NBN: variants seen among roughly 807,000 people sequenced by gnomAD.
NBN encodes nibrin.
In NBN, 88 loss-of-function variants were observed where a neutral mutation model predicts 90.8. The ratio of observed to expected loss-of-function variants is 0.97; its 90% CI spans 0.82 to 1.16. The LOEUF (loss-of-function observed/expected upper bound fraction) is 1.16, where lower values mean the gene tolerates loss of function less well. NBN is among the 50% of genes most tolerant of loss of function. The probability of loss-of-function intolerance (pLI) is 0.00; values close to 1 mark genes in which losing one functional copy is unlikely to be tolerated. For synonymous variants in NBN, 328 were observed against 295.1 expected (o/e 1.11, Z -1.14); for missense variants, 894 against 869.6 (o/e 1.03, Z -0.35).
intron 5 of NBN, among the ~76,000 whole-genome samples, chr8:89,973,751 T>C (rs1002563648): frequency 6.6e-6 from 1 of 152,168 alleles, no homozygotes; most frequent in Non-Finnish European, 1.5e-5. Flanking sequence ...TTTAATAAAC[T>C]AGTACAAAAA....
chr8:89,977,227 C>A (rs1245781000), intron 5 of NBN, among the ~76,000 whole-genome samples: 5 of 152,000 alleles, frequency 3.3e-5, no homozygotes, highest in Non-Finnish European at 5.9e-5. Context: ...CCTTGTCCCC[C>A]ACCCCCAAAC....
chr8:89,957,793 T>G (rs7010210), intron 9 of NBN, among the ~76,000 whole-genome samples: 77,429 of 151,982 alleles, frequency 0.51, 22,060 homozygotes, highest in African/African-American at 0.77. Flanking sequence ...GGAGAAATAG[T>G]CTATACCAGC....
Position 89,934,645 on chromosome 8 carries a change from A to G in NBN, c.*937T>C, listed in dbSNP as rs11987865. 4,702 of 233,176 alleles carry G rather than the reference A, an allele frequency of 0.02. 213 individuals are homozygous for G. The highest frequency in any genetic ancestry group is 0.096 in the African/African-American group (4,371 of 45,410). The allele number at this position is 233,176 out of a possible 1,614,324, so 14.4% of individuals were successfully genotyped here. A position where few individuals can be genotyped will look rare whatever the true frequency, so the allele number is the denominator to read the frequency against. On this transcript the variant is annotated 3_prime_UTR_variant, in exon 16 of 16. Coordinates refer to ENST00000265433, the MANE Select transcript of NBN (RefSeq NM_002485.5). The stretch of plus-strand genomic sequence containing the variant: ...TTTCTCATTCTCTAAACAACTAATC[A>G]GTTGTAGTGACTCTTGACTGGAACT...
intron 8 of NBN, 74 bp downstream of exon 8, chr8:89,964,336 G>A: frequency 6.6e-7 from 1 of 1,505,952 alleles, no homozygotes; most frequent in East Asian, 2.3e-5. Flanking sequence ...GCAAGTATAT[G>A]AGTAACGTAT....
chr8:89,981,327 G>T (rs1397009187), intron 3 of NBN, 48 bp downstream of exon 3: 5 of 1,537,922 alleles, frequency 3.3e-6, no homozygotes, highest in Non-Finnish European at 3.6e-6. Context: ...TTTAGGATTT[G>T]GCTGAAACAA....
At chr8:89,983,386 A>G (rs1586113227) in intron 1 of NBN, among the ~76,000 whole-genome samples, 1 of 151,976 alleles carries the variant, frequency 6.6e-6, no homozygotes, top group East Asian at 1.9e-4. Flanking sequence ...GAGCCGACAC[A>G]GTGCCACTGC....
chr8:89,955,641 C>T lies in NBN; in HGVS notation c.1125-86G>A, dbSNP rs13312922. ...AACAAAGATCGTTAAATAGTTCTAA[C>T]GTAATATAACCTTAGAAGATAATTT... On this transcript the variant is annotated intron_variant, in intron 9 of 15. Coordinates refer to ENST00000265433, the MANE Select transcript of NBN (RefSeq NM_002485.5). 4.6e-3 allele frequency: 6,329 copies of T among 1,375,930 alleles called. 229 individuals carry two copies. The African/African-American group carries it at 0.078, about 17-fold the overall frequency. 85.2% of individuals were successfully genotyped at this position (1,375,930 alleles called of 1,614,324 possible).
intron 8 of NBN, among the ~76,000 whole-genome samples, chr8:89,962,716 C>T (rs1811048711): frequency 6.6e-6 from 1 of 152,112 alleles, no homozygotes; most frequent in South Asian, 2.1e-4. Flanking sequence ...TGAAGGTTAC[C>T]TATGTACAGA....
intron 11 of NBN, among the ~76,000 whole-genome samples, chr8:89,951,392 G>A (rs1810444575): frequency 6.6e-6 from 1 of 151,506 alleles, no homozygotes. Context: ...GAAAATCAGA[G>A]GAGAAGAGAG....
intron 7 of NBN, among the ~76,000 whole-genome samples, chr8:89,968,362 T>TA (rs1586082565): frequency 6.6e-6 from 1 of 152,096 alleles, no homozygotes; most frequent in African/African-American, 2.4e-5. Context: ...TACTTTTTTT[T>TA]AACCTCAGGG....
chr8:89,971,750 A>AG (rs757624640), intron 5 of NBN, among the ~76,000 whole-genome samples: 3 of 152,226 alleles, frequency 2.0e-5, no homozygotes, highest in Non-Finnish European at 2.9e-5. Flanking sequence ...TCTTTGGAGA[A>AG]GTTCAGGAAA....
At chr8:89,953,136 AGT>A in intron 11 of NBN, 106 bp downstream of exon 11, 5 of 801,954 alleles carry the variant, frequency 6.2e-6, no homozygotes, top group Non-Finnish European at 1.1e-5. Context: ...TATAGTACTG[AGT>A]GTTAAAGACA....
chr8:89,970,360 A>G lies in NBN; in HGVS notation c.896+4T>C, dbSNP rs190843577. On this transcript the variant is annotated splice_donor_region_variant and intron_variant, in intron 7 of 15. Coordinates refer to ENST00000265433, the MANE Select transcript of NBN (RefSeq NM_002485.5). The stretch of plus-strand genomic sequence containing the variant: ...TTTTTTACTAATAAAGAATAATTCT[A>G]TACCTTTGGAGCATATCCATTATTG... 473 of 1,598,900 alleles carry G rather than the reference A, an allele frequency of 3.0e-4. 4 individuals are homozygous for G. The highest frequency in any genetic ancestry group is 3.3e-5 in the Non-Finnish European group (38 of 1,166,666).
intron 13 of NBN, among the ~76,000 whole-genome samples, chr8:89,945,196 G>A (rs779057892): frequency 6.6e-6 from 1 of 152,084 alleles, no homozygotes; most frequent in South Asian, 2.1e-4. Context: ...TATTAAACAT[G>A]AAGTAACCAT....
chr8:89,970,855 A>G (rs1466501206), intron 6 of NBN, among the ~76,000 whole-genome samples: 1 of 152,210 alleles, frequency 6.6e-6, no homozygotes, highest in Non-Finnish European at 1.5e-5. Flanking sequence ...TACACAGAAC[A>G]TATTCAACTG....
rs587781326 is a variant in NBN, at chr8:89,955,558, G to A, written c.1125-3C>T. ...CTTTTGGCCTTTCACTCAAATCCCT[G>A]TAGAAAAAGAAAAGAATGCAAGGTA... On this transcript the variant is annotated splice_region_variant and splice_polypyrimidine_tract_variant and intron_variant, in intron 9 of 15. Coordinates refer to ENST00000265433, the MANE Select transcript of NBN (RefSeq NM_002485.5). The A allele has an allele frequency of 3.7e-6, 6 of 1,611,684 alleles. No individual in the cohort carries two copies. Among genetic ancestry groups the A allele is most frequent in the South Asian group, 1.1e-5 (1 of 90,908 alleles).
In NBN at chr8:89,958,863, C is replaced by A; in HGVS notation, c.995-9G>T. On this transcript the variant is annotated splice_polypyrimidine_tract_variant and intron_variant, in intron 8 of 15. Coordinates refer to ENST00000265433, the MANE Select transcript of NBN (RefSeq NM_002485.5). ...AGTTGTTGTCTTTAATCCTGTAAATCACACAAGTAGAAAGAAAGAATCACA... is the reference window on the plus strand; with the variant it reads ...AGTTGTTGTCTTTAATCCTGTAAATAACACAAGTAGAAAGAAAGAATCACA... 1.2e-6 allele frequency: 2 copies of A among 1,613,310 alleles called. No homozygotes were observed. Among genetic ancestry groups the A allele is most frequent in the African/African-American group, 2.7e-5 (2 of 74,996 alleles).
intron 6 of NBN, 113 bp downstream of exon 6, chr8:89,971,060 A>G (rs1811490860): frequency 7.6e-6 from 9 of 1,191,758 alleles, no homozygotes; most frequent in Non-Finnish European, 1.1e-5. Flanking sequence ...TCTACTTCAC[A>G]CTTTTACACA....
At chr8:89,938,382 G>A (rs1809786918) in intron 14 of NBN, among the ~76,000 whole-genome samples, 3 of 151,986 alleles carry the variant, frequency 2.0e-5, no homozygotes, top group Non-Finnish European at 2.9e-5. Context: ...ACAATGTTAA[G>A]GACTTACTGT....
Sources: allele counts gnomAD v4.1 joint callset (sites outside exome capture counted in the v4.1 genomes callset), GRCh38; gene constraint gnomAD v4.1.1; transcripts MANE v1.5; gene names NCBI Gene and HGNC (gene_info 2026-07-23, HGNC 2026-07-21).